FOXN3: variants seen among roughly 807,000 people sequenced by gnomAD.
FOXN3 encodes forkhead box N3.
FOXN3 carries 7 observed loss-of-function variants against 38.4 expected under a neutral mutation model. That is an observed-to-expected ratio of 0.18 (90% CI 0.10 to 0.34). The LOEUF (loss-of-function observed/expected upper bound fraction) is 0.34. FOXN3 is among the 10% of genes least tolerant of loss of function. FOXN3 has a pLI of 1.00. For missense variants in FOXN3, 456 were observed against 613.4 expected (o/e 0.74, Z 2.71); for synonymous variants, 230 against 242.2 (o/e 0.95, Z 0.47).
chr14:89,199,325 T>G lies in FOXN3; in HGVS notation c.746-18519A>C, dbSNP rs369410390. On this transcript the variant is annotated intron_variant, in intron 4 of 5. Transcript: ENST00000557258. ...GCACAAGCTTCTGATGAGCAGGATT[T>G]TAGGGAACAAAAATCTCCCACTAAG... Among the ~76,000 whole-genome samples, 15 of 152,204 alleles carry G rather than the reference T, an allele frequency of 9.9e-5. No homozygotes were observed. In the East Asian group the frequency reaches 2.9e-3, roughly 29 times the overall value.
intron 5 of FOXN3, among the ~76,000 whole-genome samples, chr14:89,176,637 G>GCT (rs761121908): frequency 1.3e-5 from 2 of 152,226 alleles, no homozygotes; most frequent in Non-Finnish European, 2.9e-5. Flanking sequence ...TTTAGCCTTG[G>GCT]CTGAGTTTGG....
intron 2 of FOXN3, among the ~76,000 whole-genome samples, chr14:89,365,414 A>G (rs1280575297): frequency 1.3e-5 from 2 of 152,234 alleles, no homozygotes; most frequent in African/African-American, 4.8e-5. Context: ...TGACTTTGAA[A>G]TACTGTCAAA....
intron 1 of FOXN3, among the ~76,000 whole-genome samples, chr14:89,479,217 A>C (rs1893274848): frequency 6.6e-6 from 1 of 151,922 alleles, no homozygotes; most frequent in South Asian, 2.1e-4. Context: ...ACACACTTCA[A>C]CTGGAGCTGC....
intron 4 of FOXN3, among the ~76,000 whole-genome samples, chr14:89,193,453 G>A (rs1380751202): frequency 9.9e-5 from 15 of 152,166 alleles, no homozygotes; most frequent in African/African-American, 3.4e-4. Context: ...ACACATGTGG[G>A]AGAACCTAAG....
At chr14:89,496,219 A>G (rs1036371938) in intron 1 of FOXN3, among the ~76,000 whole-genome samples, 1 of 152,210 alleles carries the variant, frequency 6.6e-6, no homozygotes, top group African/African-American at 2.4e-5. Flanking sequence ...GTCTCAAAAA[A>G]AGAGTACTTG....
intron 1 of FOXN3, among the ~76,000 whole-genome samples, chr14:89,544,554 G>C (rs1478813991): frequency 6.6e-6 from 1 of 152,180 alleles, no homozygotes; most frequent in Non-Finnish European, 1.5e-5. Context: ...GGGCGACAGA[G>C]AAAGGTAAGA....
intron 1 of FOXN3, among the ~76,000 whole-genome samples, chr14:89,564,686 C>T (rs1279328718): frequency 6.6e-6 from 1 of 152,172 alleles, no homozygotes; most frequent in Non-Finnish European, 1.5e-5. Flanking sequence ...GAAGTCTTAA[C>T]TCTCGGAACC....
At chr14:89,387,474 A>G (rs943060994) in intron 2 of FOXN3, among the ~76,000 whole-genome samples, 6 of 152,248 alleles carry the variant, frequency 3.9e-5, no homozygotes. Flanking sequence ...GCTCATTAAC[A>G]GTAATTACCT....
At chr14:89,530,212 A>G (rs1425027831) in intron 1 of FOXN3, among the ~76,000 whole-genome samples, 1 of 152,172 alleles carries the variant, frequency 6.6e-6, no homozygotes, top group African/African-American at 2.4e-5. Context: ...TGTTGGGATT[A>G]CAGGCGTGAG....
chr14:89,477,860 G>A (rs1021045607), intron 1 of FOXN3, among the ~76,000 whole-genome samples: 5 of 151,886 alleles, frequency 3.3e-5, no homozygotes. Flanking sequence ...ATGTTGATGA[G>A]AACAACAGGA....
At chr14:89,199,776 T>A (rs1688035468) in intron 4 of FOXN3, among the ~76,000 whole-genome samples, 1 of 151,680 alleles carries the variant, frequency 6.6e-6, no homozygotes, top group East Asian at 1.9e-4. Context: ...TGGTGGTGGG[T>A]GCCTGTAGTC....
At chr14:89,444,794 A>T (rs986440328) in intron 1 of FOXN3, among the ~76,000 whole-genome samples, 24 of 152,130 alleles carry the variant, frequency 1.6e-4, no homozygotes, top group African/African-American at 5.8e-4. Flanking sequence ...CTTGCTTCTT[A>T]GTCTGGGAGG....
intron 3 of FOXN3, among the ~76,000 whole-genome samples, chr14:89,312,423 AT>A (rs1261813185): frequency 6.6e-6 from 1 of 152,104 alleles, no homozygotes; most frequent in African/African-American, 2.4e-5. Context: ...CCAAAAAAAA[AT>A]CTCTATCAAT....
chr14:89,224,647 C>T (rs946299099), intron 4 of FOXN3, among the ~76,000 whole-genome samples: 13 of 152,106 alleles, frequency 8.5e-5, no homozygotes, highest in African/African-American at 3.1e-4. Flanking sequence ...ATATGTGCTA[C>T]ATGAATAACT....
At chr14:89,535,053 T>C (rs1287148895) in intron 1 of FOXN3, among the ~76,000 whole-genome samples, 1 of 152,208 alleles carries the variant, frequency 6.6e-6, no homozygotes, top group African/African-American at 2.4e-5. Context: ...AGGCATAACC[T>C]ACAAACAGCA....
chr14:89,333,956 A>T (rs1888344995), intron 3 of FOXN3, among the ~76,000 whole-genome samples: 1 of 137,190 alleles, frequency 7.3e-6, no homozygotes, highest in Non-Finnish European at 1.5e-5. Flanking sequence ...TAATGAAGAA[A>T]ATGTGGTGTG....
intron 2 of FOXN3, among the ~76,000 whole-genome samples, chr14:89,389,078 A>G (rs1890865970): frequency 6.6e-6 from 1 of 152,118 alleles, no homozygotes; most frequent in Non-Finnish European, 1.5e-5. Flanking sequence ...GTGAAAAGGA[A>G]ATGCTGATCC....
intron 1 of FOXN3, among the ~76,000 whole-genome samples, chr14:89,425,259 C>T (rs1371382706): frequency 2.0e-5 from 3 of 151,794 alleles, no homozygotes; most frequent in Non-Finnish European, 2.9e-5. Flanking sequence ...TCAGTAGAGA[C>T]GGGGTTTCAC....
At chr14:89,340,908 C>T (rs1350895942) in intron 3 of FOXN3, among the ~76,000 whole-genome samples, 2 of 152,094 alleles carry the variant, frequency 1.3e-5, no homozygotes, top group African/African-American at 4.8e-5. Context: ...GTCTTGAAAT[C>T]TGCACTTAAT....
Sources: gnomAD v4.1 joint callset for allele counts (sites outside exome capture counted in the v4.1 genomes callset) on GRCh38, gnomAD v4.1.1 for gene constraint, MANE v1.5 for transcripts, NCBI Gene and HGNC (gene_info 2026-07-23, HGNC 2026-07-21) for gene names.